CTTNBP2: variants seen among roughly 807,000 people sequenced by gnomAD.
The protein encoded by CTTNBP2 is cortactin-binding protein 2.
CTTNBP2 carries 108 observed loss-of-function variants against 156.9 expected under a neutral mutation model. The observed-to-expected ratio is 0.69, with a 90% CI of 0.59 to 0.81. CTTNBP2 has a LOEUF of 0.81. Among genes scored for constraint, CTTNBP2 ranks in the 30% least tolerant of loss-of-function variants. The pLI, the probability that CTTNBP2 is intolerant of heterozygous loss-of-function variation, is 0.00. For synonymous variants in CTTNBP2, 767 were observed against 751.8 expected, an observed-to-expected ratio of 1.02 and a Z score of -0.33; for missense variants, 1,924 against 2,035.4, an observed-to-expected ratio of 0.95 and a Z score of 1.05.
At chr7:117,801,734 C>T (rs938323286) in intron 3 of CTTNBP2, among the ~76,000 whole-genome samples, 2 of 152,014 alleles carry the variant, frequency 1.3e-5, no homozygotes, top group African/African-American at 4.8e-5. Context: ...TGTGTGTGCG[C>T]TCACGCATGT....
chr7:117,765,297 T>C (rs1277432657), intron 9 of CTTNBP2, among the ~76,000 whole-genome samples: 1 of 152,184 alleles, frequency 6.6e-6, no homozygotes, highest in Non-Finnish European at 1.5e-5. Flanking sequence ...ATGGAAGTAA[T>C]CATAATCTAA....
At chr7:117,770,765 A>G (rs1020515634) in intron 8 of CTTNBP2, among the ~76,000 whole-genome samples, 3 of 152,132 alleles carry the variant, frequency 2.0e-5, no homozygotes, top group Admixed American at 6.5e-5. Context: ...AAAGAGGGAG[A>G]GAAGTATCCA....
chr7:117,791,712 G>A lies in CTTNBP2; in HGVS notation c.1484C>T (p.Ala495Val), dbSNP rs934665746. ...TTGAGGGCTTGTAAATCTTGACAGT[G>A]CTTGGGTCACAGTATTCCGAGCTAG... is the stretch of plus-strand genomic sequence containing the variant. ...KQLARNTVTQ[A>V]LSRFTSPQAG... Residue 495 changes from alanine (A) to valine (V), a missense_variant, in exon 4 of 23, where the codon GCA (alanine) becomes GTA (valine). By Grantham distance (64) the Ala-to-Val change is moderately conservative (BLOSUM62 0). Coordinates refer to ENST00000160373, the MANE Select transcript of CTTNBP2 (RefSeq NM_033427.3). 1 of 1,614,074 alleles carries A rather than the reference G, an allele frequency of 6.2e-7. No homozygotes were observed. Among genetic ancestry groups the A allele is most frequent in the Non-Finnish European group, 8.5e-7 (1 of 1,180,046 alleles).
intron 12 of CTTNBP2, among the ~76,000 whole-genome samples, chr7:117,750,516 G>A (rs923499627): frequency 6.6e-6 from 1 of 152,124 alleles, no homozygotes; most frequent in African/African-American, 2.4e-5. Context: ...TTTAATGCAT[G>A]CATTTCATTC....
At chr7:117,796,797 T>C (rs1301158388) in intron 3 of CTTNBP2, among the ~76,000 whole-genome samples, 1 of 152,244 alleles carries the variant, frequency 6.6e-6, no homozygotes, top group Non-Finnish European at 1.5e-5. Context: ...AACATGTAGA[T>C]GAATGTTTTT....
chr7:117,763,609 G>A (rs1370690685), intron 9 of CTTNBP2, among the ~76,000 whole-genome samples: 2 of 142,256 alleles, frequency 1.4e-5, no homozygotes, highest in Admixed American at 7.4e-5. Flanking sequence ...CACCCAGGCT[G>A]GAGGGCAGTG....
At position 117,753,455 on chromosome 7, in the gene CTTNBP2, G is replaced by A. The variant is rs113869968; in HGVS notation, c.3348+3100C>T. Among the ~76,000 whole-genome samples, 173 of 152,242 alleles carry A rather than the reference G, an allele frequency of 1.1e-3. 2 individuals are homozygous for A. Among genetic ancestry groups the A allele is most frequent in the African/African-American group, 3.8e-3 (159 of 41,536 alleles). On this transcript the variant is annotated intron_variant, in intron 12 of 22. Transcript: ENST00000160373. ...TTCTATTACAAAGATACATGCATAC[G>A]TATGTTTGCTGCAAGACTACGGATG...
intron 1 of CTTNBP2, among the ~76,000 whole-genome samples, chr7:117,864,850 CATAT>C (rs1168241943): frequency 7.6e-6 from 1 of 132,196 alleles, no homozygotes; most frequent in Non-Finnish European, 1.6e-5. Flanking sequence ...ATTCTATATT[CATAT>C]ATATTCATTC....
At chr7:117,830,168 T>G (rs1801514127) in intron 2 of CTTNBP2, among the ~76,000 whole-genome samples, 3 of 152,222 alleles carry the variant, frequency 2.0e-5, no homozygotes, top group African/African-American at 7.2e-5. Flanking sequence ...CAGTCTTAAT[T>G]TTATTTCCAT....
In CTTNBP2 at chr7:117,767,156, A is replaced by G; in HGVS notation, c.2799T>C (p.Cys933=). ...TTTCTGGCTCAAGCCCTCCGTGCCT[A>G]CACAAGATTTCTAGGCAGTTCTATA... ...KGFKNCLEIL[C]RHGGLEPERR... The change falls in exon 9 of 23, where the codon TGT becomes TGC. Residue 933 remains cysteine (C), a synonymous_variant. Coordinates refer to ENST00000160373, the MANE Select transcript of CTTNBP2 (RefSeq NM_033427.3). The G allele has an allele frequency of 6.2e-7, 1 of 1,608,356 alleles. No individual in the cohort carries two copies. The highest frequency in any genetic ancestry group is 8.5e-7 in the Non-Finnish European group (1 of 1,174,712).
At chr7:117,783,055 G>A in intron 5 of CTTNBP2, 94 bp from the exon 6 acceptor site, 1 of 833,982 alleles carries the variant, frequency 1.2e-6, no homozygotes, top group Admixed American at 2.1e-5. Context: ...TAATCCCAAA[G>A]GGACTCTCCC....
intron 18 of CTTNBP2, 78 bp downstream of exon 18, chr7:117,724,974 A>T (rs1402106156): frequency 8.9e-6 from 12 of 1,347,648 alleles, no homozygotes; most frequent in Non-Finnish European, 1.3e-5. Context: ...CAAAGAAAGA[A>T]AGCTCTCTAA....
chr7:117,854,346 C>T (rs1323329621), intron 2 of CTTNBP2, among the ~76,000 whole-genome samples: 1 of 152,194 alleles, frequency 6.6e-6, no homozygotes, highest in Non-Finnish European at 1.5e-5. Context: ...TTTTACTTAG[C>T]TGAAACCAAT....
At chr7:117,726,664 C>T (rs1795109919) in intron 17 of CTTNBP2, among the ~76,000 whole-genome samples, 1 of 152,190 alleles carries the variant, frequency 6.6e-6, no homozygotes, top group East Asian at 1.9e-4. Context: ...ATAAAAACAA[C>T]ATCTTCCAGG....
chr7:117,785,990 A>C (rs1798684141), intron 4 of CTTNBP2, among the ~76,000 whole-genome samples: 2 of 152,244 alleles, frequency 1.3e-5, no homozygotes, highest in Non-Finnish European at 2.9e-5. Flanking sequence ...TGGTATCAGC[A>C]TAATTATTCT....
intron 2 of CTTNBP2, among the ~76,000 whole-genome samples, chr7:117,852,111 T>G (rs1273445596): frequency 6.6e-6 from 1 of 152,100 alleles, no homozygotes; most frequent in Non-Finnish European, 1.5e-5. Flanking sequence ...TCCTTGGTAG[T>G]GCCTCTATCA....
chr7:117,791,511 T>C lies in CTTNBP2; in HGVS notation c.1685A>G (p.Gln562Arg). Residue 562 changes from glutamine (Q) to arginine (R), a missense_variant, in exon 4 of 23, where the codon CAA (glutamine) becomes CGA (arginine). By Grantham distance (43) the Gln-to-Arg change is conservative. Transcript: ENST00000160373. ...GCTGCTGTCTATAATAACCTTGAGT[T>C]GGGGGTGTGGTGGAGAAGGAGTTTG... ...LSQTPSPPHP[Q>R]LKVIIDSSRA... is the part of the protein sequence containing the mutation. 6.2e-7 allele frequency: 1 copy of C among 1,614,146 alleles called. No homozygotes were observed. The highest frequency in any genetic ancestry group is 8.5e-7 in the Non-Finnish European group (1 of 1,180,020).
At chr7:117,777,429 A>C in intron 8 of CTTNBP2, 82 bp downstream of exon 8, 1 of 1,365,774 alleles carries the variant, frequency 7.3e-7, no homozygotes, top group Non-Finnish European at 1.0e-6. Flanking sequence ...TATTCAATTT[A>C]AGTGCACTTA....
chr7:117,859,325 T>C (rs1803551062), intron 2 of CTTNBP2, among the ~76,000 whole-genome samples: 1 of 152,246 alleles, frequency 6.6e-6, no homozygotes, highest in African/African-American at 2.4e-5. Context: ...CCTTTACGTC[T>C]ACTCTCACAT....
Sources: allele counts gnomAD v4.1 joint callset (sites outside exome capture counted in the v4.1 genomes callset), GRCh38; gene constraint gnomAD v4.1.1; transcripts MANE v1.5; gene names NCBI Gene and HGNC (gene_info 2026-07-23, HGNC 2026-07-21).